The following DDAH1 variants were observed in gnomAD, a reference collection of about 807,000 sequenced individuals.
The protein encoded by DDAH1 is N(G),N(G)-dimethylarginine dimethylaminohydrolase 1.
Under a neutral mutation model 28.8 loss-of-function variants are expected in DDAH1, and 19 were observed. The ratio of observed to expected loss-of-function variants is 0.66; its 90% CI spans 0.46 to 0.97. The LOEUF is 0.97. Among genes scored for constraint, DDAH1 ranks in the 50% least tolerant of loss-of-function variants. The pLI is 0.00. For synonymous variants in DDAH1, 153 were observed against 154.4 expected, an observed-to-expected ratio of 0.99 and a Z score of 0.07; for missense variants, 326 against 375.9, an observed-to-expected ratio of 0.87 and a Z score of 1.10.
chr1:85,491,400 A>G (rs1656397671), intron 2 of DDAH1, among the ~76,000 whole-genome samples: 1 of 152,190 alleles, frequency 6.6e-6, no homozygotes, highest in South Asian at 2.1e-4. Context: ...GATTGTTTTC[A>G]AACTGCAGAC....
chr1:85,366,311 T>C (rs557628332), intron 1 of DDAH1, among the ~76,000 whole-genome samples: 1 of 152,346 alleles, frequency 6.6e-6, no homozygotes, highest in South Asian at 2.1e-4. Flanking sequence ...ATTTTCCCTC[T>C]TATTGAACTT....
chr1:85,417,565 T>G (rs1652939707), intron 1 of DDAH1, among the ~76,000 whole-genome samples: 1 of 152,206 alleles, frequency 6.6e-6, no homozygotes, highest in Non-Finnish European at 1.5e-5. Flanking sequence ...AGGATCCCTT[T>G]GAAGAAAATC....
At chr1:85,443,410 T>C (rs200099269) in intron 1 of DDAH1, among the ~76,000 whole-genome samples, 19,816 of 152,244 alleles carry the variant, frequency 0.13, 1,583 homozygotes, top group South Asian at 0.31. Flanking sequence ...ACCAGTACCA[T>C]GCTGTTTTGG....
chr1:85,457,406 C>T (rs1654934894), intron 1 of DDAH1, among the ~76,000 whole-genome samples: 2 of 152,044 alleles, frequency 1.3e-5, no homozygotes, highest in South Asian at 4.2e-4. Context: ...ATAAAATCTG[C>T]CCCCGTGTTC....
At chr1:85,570,543 A>G (rs1295745124) in intron 1 of DDAH1, among the ~76,000 whole-genome samples, 1 of 152,210 alleles carries the variant, frequency 6.6e-6, no homozygotes, top group Non-Finnish European at 1.5e-5. Flanking sequence ...AAATAAGAAA[A>G]TCATACTTCC....
intron 1 of DDAH1, among the ~76,000 whole-genome samples, chr1:85,377,232 T>C (rs762367145): frequency 1.7e-4 from 26 of 152,134 alleles, no homozygotes; most frequent in Non-Finnish European, 3.1e-4. Context: ...CCTGATAAAC[T>C]AAAAATGGTT....
At chr1:85,374,944 C>T (rs1289711438) in intron 1 of DDAH1, among the ~76,000 whole-genome samples, 2 of 151,520 alleles carry the variant, frequency 1.3e-5, no homozygotes, top group Non-Finnish European at 2.9e-5. Context: ...AAGACCTAAC[C>T]CAAAGCAGAG....
chr1:85,322,638 A>G (rs2100782707), intron 5 of DDAH1, among the ~76,000 whole-genome samples: 1 of 152,286 alleles, frequency 6.6e-6, no homozygotes, highest in East Asian at 1.9e-4. Flanking sequence ...ATTCCCTCTG[A>G]GCCTCGGTTT....
intron 1 of DDAH1, among the ~76,000 whole-genome samples, chr1:85,452,538 CA>C (rs199725418): frequency 1.2e-4 from 18 of 146,952 alleles, no homozygotes; most frequent in Admixed American, 3.4e-4. Context: ...TACAAACAAA[CA>C]AAAAAAAAAC....
chr1:85,351,530 A>G lies in DDAH1; in HGVS notation c.453T>C (p.Ala151=), dbSNP rs769081532. 1.5e-5 allele frequency: 24 copies of G among 1,614,146 alleles called. No individual in the cohort carries two copies. The highest frequency in any genetic ancestry group is 1.6e-4 in the Middle Eastern group (1 of 6,062). Residue 151 remains alanine, a synonymous_variant, in exon 3 of 6, where the codon GCT becomes GCC. Transcript: ENST00000284031. ...GLSKRTNQRG[A]EILADTFKDY... ...CCTTAAAAGTATCAGCCAAGATTTC[A>G]GCACCTCGTTGATTTGTCCTTTTGG...
At position 85,438,084 on chromosome 1, in the gene DDAH1, A is replaced by G. The variant is rs368653364; in HGVS notation, c.303+26659T>C. ...AAGTGAATTAATGCAGAAACAGAAA[A>G]CCAAATACCAGCATCTTCTCACTTA... On this transcript the variant is annotated intron_variant, in intron 1 of 5. Transcript: ENST00000284031. Among the ~76,000 whole-genome samples, 23 of 152,202 alleles carry G rather than the reference A, an allele frequency of 1.5e-4. 1 individual carries two copies. The highest frequency in any genetic ancestry group is 7.7e-4 in the East Asian group (4 of 5,198).
chr1:85,462,353 T>G (rs185509291), intron 1 of DDAH1, among the ~76,000 whole-genome samples: 1 of 152,186 alleles, frequency 6.6e-6, no homozygotes, highest in East Asian at 1.9e-4. Context: ...GGGGGCCCCT[T>G]GAGAATTTTA....
At chr1:85,468,293 A>G (rs1655454758), upstream of DDAH1, among the ~76,000 whole-genome samples, 1 of 152,004 alleles carries the variant, frequency 6.6e-6, no homozygotes, top group Non-Finnish European at 1.5e-5. Flanking sequence ...TGTGGCTCCA[A>G]CTCTTCTACA....
At chr1:85,468,487 C>A (rs575346600), upstream of DDAH1, among the ~76,000 whole-genome samples, 1 of 150,232 alleles carries the variant, frequency 6.7e-6, no homozygotes. Context: ...TCTTACATGG[C>A]GGCAGGCAAG....
intron 1 of DDAH1, among the ~76,000 whole-genome samples, chr1:85,393,091 A>G (rs1651635859): frequency 6.6e-6 from 1 of 152,164 alleles, no homozygotes; most frequent in Non-Finnish European, 1.5e-5. Flanking sequence ...CATTCTTTTA[A>G]TTGTTTTATT....
intron 1 of DDAH1, among the ~76,000 whole-genome samples, chr1:85,390,933 C>G (rs957146056): frequency 6.6e-6 from 1 of 152,114 alleles, no homozygotes; most frequent in African/African-American, 2.4e-5. Context: ...ATTCATATAA[C>G]TGTACTTGAA....
intron 1 of DDAH1, among the ~76,000 whole-genome samples, chr1:85,497,644 T>C (rs1438785586): frequency 6.6e-6 from 1 of 152,222 alleles, no homozygotes; most frequent in Admixed American, 6.5e-5. Context: ...TACACATGAT[T>C]GCAAACATTT....
At chr1:85,417,633 TTC>T (rs1338556877) in intron 1 of DDAH1, among the ~76,000 whole-genome samples, 1 of 152,212 alleles carries the variant, frequency 6.6e-6, no homozygotes. Flanking sequence ...TTAAAAATAT[TTC>T]TCTTTATCAA....
At chr1:85,366,194 T>A (rs930459527) in intron 1 of DDAH1, among the ~76,000 whole-genome samples, 1 of 152,132 alleles carries the variant, frequency 6.6e-6, no homozygotes, top group African/African-American at 2.4e-5. Flanking sequence ...CACGATAATC[T>A]TTAAAAGTTA....
Sources: allele counts gnomAD v4.1 joint callset (sites outside exome capture counted in the v4.1 genomes callset), GRCh38; gene constraint gnomAD v4.1.1; transcripts MANE v1.5; gene names NCBI Gene and HGNC (gene_info 2026-07-23, HGNC 2026-07-21).